SLC10A7: variants seen among roughly 807,000 people sequenced by gnomAD.
SLC10A7 encodes sodium/bile acid cotransporter 7.
In SLC10A7, 29 loss-of-function variants were observed where a neutral mutation model predicts 43.2. The ratio of observed to expected loss-of-function variants is 0.67; its 90% confidence interval spans 0.50 to 0.92. The LOEUF is 0.92. Ranked by LOEUF, SLC10A7 falls within the 40% of genes least tolerant of loss-of-function variation. SLC10A7 has a pLI of 0.00. For synonymous variants in SLC10A7, 152 were observed against 144.8 expected (o/e 1.05, Z -0.35); for missense variants, 295 against 403.2 (o/e 0.73, Z 2.30).
intron 3 of SLC10A7, among the ~76,000 whole-genome samples, chr4:146,504,840 G>C (rs1225153850): frequency 1.3e-5 from 2 of 152,092 alleles, no homozygotes; most frequent in Non-Finnish European, 2.9e-5. Flanking sequence ...GTAAATTCTA[G>C]TATCTATCCT....
chr4:146,424,958 T>A (rs990129162), intron 5 of SLC10A7, among the ~76,000 whole-genome samples: 1 of 152,210 alleles, frequency 6.6e-6, no homozygotes, highest in African/African-American at 2.4e-5. Flanking sequence ...TTTAATTTAA[T>A]CATTAAAAAA....
At chr4:146,516,577 TA>T (rs1738019799) in intron 2 of SLC10A7, among the ~76,000 whole-genome samples, 1 of 151,528 alleles carries the variant, frequency 6.6e-6, no homozygotes. Context: ...ATAGATATGC[TA>T]AGGAACAATA....
intron 5 of SLC10A7, among the ~76,000 whole-genome samples, chr4:146,373,916 G>A (rs534397604): frequency 5.2e-4 from 79 of 152,250 alleles, no homozygotes; most frequent in Non-Finnish European, 8.2e-4. Context: ...ATGGAGATGA[G>A]GAAATGTGGA....
At chr4:146,480,068 C>T (rs566945034) in intron 4 of SLC10A7, among the ~76,000 whole-genome samples, 1 of 152,076 alleles carries the variant, frequency 6.6e-6, no homozygotes, top group African/African-American at 2.4e-5. Context: ...AGCTAAATAA[C>T]AAAACTATTC....
chr4:146,438,801 C>A (rs766255218), intron 5 of SLC10A7, among the ~76,000 whole-genome samples: 4 of 151,848 alleles, frequency 2.6e-5, no homozygotes, highest in Admixed American at 1.3e-4. Flanking sequence ...ACAATTGAAT[C>A]TTTTGAAATT....
intron 5 of SLC10A7, among the ~76,000 whole-genome samples, chr4:146,380,213 A>G (rs1236160369): frequency 6.6e-6 from 1 of 152,166 alleles, no homozygotes; most frequent in Admixed American, 6.6e-5. Flanking sequence ...TCAAAGGCAG[A>G]GAAACAAAAT....
At position 146,391,044 on chromosome 4, in the gene SLC10A7, T is replaced by G. The variant is rs143542612; in HGVS notation, c.435+51739A>C. On this transcript the variant is annotated intron_variant, in intron 5 of 11. Coordinates refer to ENST00000335472, the MANE Select transcript of SLC10A7 (RefSeq NM_001029998.6). ...ACACTATCATCTTGCTAGTTAAATG[T>G]GTGTGTGTTGTGTAATTAAAATGTC... Among the ~76,000 whole-genome samples the G allele has an allele frequency of 1.9e-3, 295 of 152,260 alleles. 1 individual carries two copies. Among genetic ancestry groups the G allele is most frequent in the Non-Finnish European group, 3.3e-3 (222 of 68,010 alleles).
intron 5 of SLC10A7, among the ~76,000 whole-genome samples, chr4:146,374,307 G>T (rs1488771705): frequency 6.6e-6 from 1 of 151,990 alleles, no homozygotes; most frequent in Non-Finnish European, 1.5e-5. Context: ...AGCTATTTTG[G>T]GCCAGGTGCG....
chr4:146,292,309 T>G (rs188584475), intron 9 of SLC10A7, among the ~76,000 whole-genome samples: 266 of 152,244 alleles, frequency 1.7e-3, no homozygotes, highest in Middle Eastern at 0.01. Flanking sequence ...GAAATGGAAT[T>G]ATCAGTAAGA....
rs1018762490 is a variant in SLC10A7, at chr4:146,263,286, T to A, written c.848-4449A>T. Among the ~76,000 whole-genome samples the A allele has an allele frequency of 2.0e-5, 3 of 152,346 alleles. No individual in the cohort carries two copies. In the Middle Eastern group the frequency reaches 0.01, roughly 518 times the overall value. On this transcript the variant is annotated intron_variant, in intron 10 of 11. Transcript: ENST00000335472. ...AGCCTCACCTTCGCTACCCTTATTA[T>A]CATTGCCTGCTTCTTGTGCATTTCC...
chr4:146,301,919 T>C (rs1373702308), intron 7 of SLC10A7, among the ~76,000 whole-genome samples: 1 of 152,234 alleles, frequency 6.6e-6, no homozygotes, highest in Admixed American at 6.5e-5. Context: ...CTACCTATAC[T>C]ACCTTTTGAC....
chr4:146,481,675 G>C (rs1164722015), intron 4 of SLC10A7, among the ~76,000 whole-genome samples: 1 of 152,216 alleles, frequency 6.6e-6, no homozygotes, highest in African/African-American at 2.4e-5. Flanking sequence ...GCTAGGGTAT[G>C]CTTCAGAGCA....
rs371750779 is a variant in SLC10A7 at position 146,444,726 on chromosome 4, G to A, written c.397-1905C>T. Among the ~76,000 whole-genome samples the A allele has an allele frequency of 2.6e-5, 4 of 152,336 alleles. No homozygotes were observed. In the East Asian group the frequency reaches 5.8e-4, roughly 22 times the overall value. On this transcript the variant is annotated intron_variant, in intron 4 of 11. Coordinates refer to ENST00000335472, the MANE Select transcript of SLC10A7 (RefSeq NM_001029998.6). ...ACTCATTCTTAGTTGTTTGCCAACA[G>A]TGGTGATGGATTTGAACTCACTCAG...
intron 5 of SLC10A7, among the ~76,000 whole-genome samples, chr4:146,327,663 C>T (rs1733232647): frequency 6.6e-6 from 1 of 152,194 alleles, no homozygotes; most frequent in Non-Finnish European, 1.5e-5. Flanking sequence ...ACAACATGGT[C>T]CCTATGCTTA....
chr4:146,499,673 C>A (rs1280710966), intron 4 of SLC10A7, among the ~76,000 whole-genome samples: 1 of 152,070 alleles, frequency 6.6e-6, no homozygotes, highest in Non-Finnish European at 1.5e-5. Context: ...GTTTGATATT[C>A]AAGATTTATG....
intron 4 of SLC10A7, among the ~76,000 whole-genome samples, chr4:146,495,204 CA>C (rs755746928): frequency 6.0e-4 from 91 of 152,300 alleles, no homozygotes; most frequent in Non-Finnish European, 1.1e-3. Context: ...GTTTTTCAGA[CA>C]TAAGATTCCT....
intron 6 of SLC10A7, among the ~76,000 whole-genome samples, chr4:146,312,961 G>A (rs1732079455): frequency 6.6e-6 from 1 of 152,124 alleles, no homozygotes; most frequent in South Asian, 2.1e-4. Context: ...ATACTCAGAG[G>A]CCTCTAGGAC....
chr4:146,505,556 G>A (rs890623392), intron 3 of SLC10A7, among the ~76,000 whole-genome samples: 7 of 152,072 alleles, frequency 4.6e-5, no homozygotes, highest in Admixed American at 4.6e-4. Context: ...ATTCATTTTT[G>A]TAAGAACATA....
At chr4:146,277,623 G>A (rs976726425) in intron 10 of SLC10A7, among the ~76,000 whole-genome samples, 1 of 152,104 alleles carries the variant, frequency 6.6e-6, no homozygotes, top group Non-Finnish European at 1.5e-5. Flanking sequence ...TCACAGAACT[G>A]TAACTCTGAA....
Sources: gnomAD v4.1 joint callset for allele counts (sites outside exome capture counted in the v4.1 genomes callset) on GRCh38, gnomAD v4.1.1 for gene constraint, MANE v1.5 for transcripts, NCBI Gene and HGNC (gene_info 2026-07-23, HGNC 2026-07-21) for gene names.